SYNE1: variants seen among roughly 807,000 people sequenced by gnomAD.
The protein encoded by SYNE1 is nesprin-1.
SYNE1 carries 616 observed loss-of-function variants against 1,111.0 expected under a neutral mutation model. The ratio of observed to expected loss-of-function variants is 0.55; its 90% CI spans 0.52 to 0.59. The LOEUF is 0.59. Ranked by LOEUF, SYNE1 falls within the 20% of genes least tolerant of loss-of-function variation. The probability of loss-of-function intolerance (pLI) is 0.00; values close to 1 mark genes in which losing one functional copy is unlikely to be tolerated. For missense variants in SYNE1, 10,006 were observed against 10,417.0 expected, an observed-to-expected ratio of 0.96 and a Z score of 1.72; for synonymous variants, 3,855 against 3,825.8, an observed-to-expected ratio of 1.01 and a Z score of -0.28.
At chr6:152,522,034 C>T (rs1343358776) in intron 5 of SYNE1, among the ~76,000 whole-genome samples, 1 of 151,956 alleles carries the variant, frequency 6.6e-6, no homozygotes, top group Non-Finnish European at 1.5e-5. Context: ...GATAAGAATT[C>T]AATTTTACCT....
At position 152,269,195 on chromosome 6, in the gene SYNE1, GTGGT is replaced by G. The variant is rs1342826848; in HGVS notation, c.18661_18664del (p.Thr6221HisfsTer16). ...ACTGCTCTGCCGCTGCTGGGTCCATGTGGTGCGAGCTTGGGCCAGCCATTCCTGG... is the reference window on the plus strand; with the variant it reads ...ACTGCTCTGCCGCTGCTGGGTCCATGGCGAGCTTGGGCCAGCCATTCCTGG... On this transcript the variant is annotated frameshift_variant, in exon 99 of 146. Transcript: ENST00000367255. LOFTEE classifies it high-confidence loss of function. 1 of 1,614,098 alleles carries G rather than the reference GTGGT, an allele frequency of 6.2e-7. No individual in the cohort carries two copies. Among genetic ancestry groups the G allele is most frequent in the East Asian group, 2.2e-5 (1 of 44,890 alleles).
chr6:152,298,562 CT>C (rs755326728), intron 93 of SYNE1, among the ~76,000 whole-genome samples: 103 of 145,508 alleles, frequency 7.1e-4, no homozygotes, highest in Non-Finnish European at 7.6e-4. Context: ...GGCACAAAAC[CT>C]TTTTTTTTTT....
Position 152,318,101 on chromosome 6 carries a change from G to T in SYNE1, c.16552C>A (p.Arg5518=). ...CATACCTGATTGAGCTTGGAGAGCC[G>T]ATTCTCAGCTTGTCTAATGGTCTGC... ...HQQTIRQAEN[R]LSKLNQAASH... is the part of the protein sequence containing the mutation. Residue 5518 remains arginine, a synonymous_variant, in exon 86 of 146, where the codon CGG becomes AGG. Transcript: ENST00000367255. 6.2e-7 allele frequency: 1 copy of T among 1,614,178 alleles called. No individual in the cohort carries two copies. Among genetic ancestry groups the T allele is most frequent in the Non-Finnish European group, 8.5e-7 (1 of 1,180,022 alleles).
intron 2 of SYNE1, among the ~76,000 whole-genome samples, chr6:152,630,333 T>C (rs531108854): frequency 1.3e-5 from 2 of 152,272 alleles, no homozygotes; most frequent in South Asian, 2.1e-4. Flanking sequence ...TAGGACCCAA[T>C]ACTTGGTGTC....
intron 73 of SYNE1, among the ~76,000 whole-genome samples, chr6:152,344,854 T>C (rs1479796575): frequency 1.3e-5 from 2 of 152,202 alleles, no homozygotes; most frequent in African/African-American, 2.4e-5. Flanking sequence ...CCAATTTTCA[T>C]TTTATCCATA....
intron 116 of SYNE1, among the ~76,000 whole-genome samples, chr6:152,225,130 G>A (rs928458241): frequency 6.6e-6 from 1 of 151,604 alleles, no homozygotes; most frequent in South Asian, 2.1e-4. Flanking sequence ...TATAGATGAG[G>A]AAACTGAGAC....
Position 152,409,545 on chromosome 6 carries a change from A to G in SYNE1, c.6381+14T>C. 2 of 1,612,976 alleles carry G rather than the reference A, an allele frequency of 1.2e-6. No homozygotes were observed. Among genetic ancestry groups the G allele is most frequent in the Non-Finnish European group, 1.7e-6 (2 of 1,179,896 alleles). ...TAAAGCAGAATACCAACATAAACACATTTTGAATTTTACCTTGGAAAAAGC... is the reference window on the plus strand; with the variant it reads ...TAAAGCAGAATACCAACATAAACACGTTTTGAATTTTACCTTGGAAAAAGC... On this transcript the variant is annotated intron_variant, in intron 43 of 145. Coordinates refer to ENST00000367255, the MANE Select transcript of SYNE1 (RefSeq NM_182961.4).
intron 100 of SYNE1, among the ~76,000 whole-genome samples, 153 bp downstream of exon 100, chr6:152,267,903 C>T (rs1203090887): frequency 6.6e-6 from 1 of 152,080 alleles, no homozygotes; most frequent in Non-Finnish European, 1.5e-5. Context: ...ACAGAATGTT[C>T]AAAATGCAGG....
At chr6:152,579,924 G>A (rs963078691) in intron 3 of SYNE1, among the ~76,000 whole-genome samples, 8 of 152,030 alleles carry the variant, frequency 5.3e-5, no homozygotes, top group African/African-American at 9.7e-5. Flanking sequence ...GTCCATCATC[G>A]ATGGGCCGAT....
intron 63 of SYNE1, among the ~76,000 whole-genome samples, chr6:152,364,319 G>A (rs2097010641): frequency 6.6e-6 from 1 of 151,918 alleles, no homozygotes; most frequent in Admixed American, 6.6e-5. Flanking sequence ...AGTGAGAACG[G>A]GCTAATACAA....
chr6:152,420,333 T>C (rs551117040), intron 39 of SYNE1, among the ~76,000 whole-genome samples: 2 of 152,090 alleles, frequency 1.3e-5, no homozygotes, highest in Non-Finnish European at 2.9e-5. Flanking sequence ...AGAAAAAACT[T>C]CCATGGCTAG....
intron 29 of SYNE1, 136 bp from the exon 30 acceptor site, chr6:152,444,714 C>G: frequency 1.3e-6 from 1 of 788,520 alleles, no homozygotes. Flanking sequence ...TGAAATGATT[C>G]TCCACATCAG....
chr6:152,360,781 A>G (rs1331500991), intron 64 of SYNE1, among the ~76,000 whole-genome samples: 1 of 152,196 alleles, frequency 6.6e-6, no homozygotes. Flanking sequence ...GATAATTATA[A>G]TTATATTATT....
intron 127 of SYNE1, among the ~76,000 whole-genome samples, chr6:152,198,385 A>G (rs74336001): frequency 0.065 from 9,899 of 152,230 alleles, 382 homozygotes; most frequent in African/African-American, 0.11. Context: ...AGACCACTCA[A>G]AGTTTCTCTG....
At chr6:152,462,935 T>C (rs1463513585) in intron 19 of SYNE1, 45 bp from the exon 20 acceptor site, 5 of 1,609,510 alleles carry the variant, frequency 3.1e-6, no homozygotes, top group Non-Finnish European at 4.2e-6. Context: ...GCCATTTAGC[T>C]GCGACCACTG....
chr6:152,155,996 G>A lies in SYNE1; in HGVS notation c.23892C>T (p.Ala7964=), dbSNP rs756786319. Residue 7964 remains alanine, a synonymous_variant, in exon 132 of 146, where the codon GCC becomes GCT. Coordinates refer to ENST00000367255, the MANE Select transcript of SYNE1 (RefSeq NM_182961.4). ...TAGCCTGCTGTATAGAGTCACACTC[G>A]GCATCAGTGGCACAGGCGTCACAGT... ...LHDCDACATD[A]ECDSIQQATR... The A allele has an allele frequency of 1.1e-5, 18 of 1,614,004 alleles. No homozygotes were observed. The highest frequency in any genetic ancestry group is 3.3e-5 in the South Asian group (3 of 91,078).
chr6:152,423,615 T>C (rs9479313), intron 39 of SYNE1, among the ~76,000 whole-genome samples: 34,782 of 152,144 alleles, frequency 0.23, 4,908 homozygotes, highest in African/African-American at 0.39. Flanking sequence ...TAAGTAAACA[T>C]GATTTCAAGT....
chr6:152,332,812 A>C (rs1321496991), intron 77 of SYNE1, among the ~76,000 whole-genome samples: 3 of 152,234 alleles, frequency 2.0e-5, no homozygotes, highest in Admixed American at 2.0e-4. Context: ...CACACATAAA[A>C]AATGGAATAT....
intron 33 of SYNE1, chr6:152,435,591 A>G: frequency 3.6e-6 from 1 of 281,218 alleles, no homozygotes; most frequent in Non-Finnish European, 6.6e-6. Context: ...TTCGCTCTAA[A>G]TGGTGACAGC....
Sources: gnomAD v4.1 joint callset for allele counts (sites outside exome capture counted in the v4.1 genomes callset) on GRCh38, gnomAD v4.1.1 for gene constraint, MANE v1.5 for transcripts, NCBI Gene and HGNC (gene_info 2026-07-23, HGNC 2026-07-21) for gene names.